The following ASIC2 variants were observed in gnomAD, a reference collection of about 807,000 sequenced individuals.
ASIC2 encodes acid-sensing ion channel 2.
ASIC2 carries 25 observed loss-of-function variants against 57.3 expected under a neutral mutation model. The ratio of observed to expected loss-of-function variants is 0.44; its 90% CI spans 0.32 to 0.61. The LOEUF is 0.61. Ranked by LOEUF, ASIC2 falls within the 20% of genes least tolerant of loss-of-function variation. The pLI is 0.06. For synonymous variants in ASIC2, 319 were observed against 307.5 expected (o/e 1.04, Z -0.39); for missense variants, 641 against 738.1 (o/e 0.87, Z 1.52).
At chr17:34,031,117 G>A (rs2142036959) in intron 1 of ASIC2, among the ~76,000 whole-genome samples, 1 of 152,320 alleles carries the variant, frequency 6.6e-6, no homozygotes, top group Admixed American at 6.5e-5. Flanking sequence ...CCCCCCAGTA[G>A]GGGCAGACTG....
At chr17:33,690,362 C>G (rs577158391) in intron 1 of ASIC2, among the ~76,000 whole-genome samples, 1 of 152,184 alleles carries the variant, frequency 6.6e-6, no homozygotes, top group Non-Finnish European at 1.5e-5. Flanking sequence ...TTTTCACTGA[C>G]ATTTCTCAGC....
At chr17:33,479,591 C>G (rs1913337371) in intron 1 of ASIC2, among the ~76,000 whole-genome samples, 1 of 152,196 alleles carries the variant, frequency 6.6e-6, no homozygotes, top group Non-Finnish European at 1.5e-5. Context: ...TGTTTCTTCA[C>G]CAGTGGGCCT....
At chr17:33,405,342 G>T (rs1910430684) in intron 1 of ASIC2, among the ~76,000 whole-genome samples, 1 of 152,128 alleles carries the variant, frequency 6.6e-6, no homozygotes, top group Non-Finnish European at 1.5e-5. Context: ...TTCCAAAGTA[G>T]TGTATTAACT....
intron 1 of ASIC2, among the ~76,000 whole-genome samples, chr17:33,878,757 T>C (rs1329317418): frequency 6.6e-6 from 1 of 152,092 alleles, no homozygotes; most frequent in Non-Finnish European, 1.5e-5. Context: ...ATACAGAGAA[T>C]GCCACAAAGA....
chr17:33,945,115 G>A (rs1288175237), intron 1 of ASIC2, among the ~76,000 whole-genome samples: 1 of 152,226 alleles, frequency 6.6e-6, no homozygotes, highest in Non-Finnish European at 1.5e-5. Context: ...GCCAGGGGCA[G>A]CAGCTTGGCT....
rs1459427979 is a variant in ASIC2, at chr17:33,291,766, T to C, written c.350A>G (p.His117Arg). ...RLLYWLSFPS[H>R]TRVHREWSRQ... ...GCTCCACTCGCGGTGCACCCGCGTG[T>C]GTGACGGGAAGCTGAGCCAGTAGAG... is the stretch of plus-strand genomic sequence containing the variant. Residue 117 changes from histidine (H) to arginine (R), a missense_variant, in exon 1 of 10, where the codon CAC becomes CGC. His to Arg is a conservative substitution (Grantham distance 29). Transcript: ENST00000225823. 1.2e-6 allele frequency: 2 copies of C among 1,613,532 alleles called. No homozygotes were observed. Among genetic ancestry groups the C allele is most frequent in the Non-Finnish European group, 1.7e-6 (2 of 1,179,872 alleles).
At chr17:33,689,815 A>G (rs546946474) in intron 1 of ASIC2, among the ~76,000 whole-genome samples, 2 of 152,370 alleles carry the variant, frequency 1.3e-5, no homozygotes, top group African/African-American at 4.8e-5. Flanking sequence ...CACACAGAGC[A>G]GAAGGCCATG....
chr17:34,029,390 AAAAAT>A (rs1907503255), intron 1 of ASIC2, among the ~76,000 whole-genome samples: 1 of 151,980 alleles, frequency 6.6e-6, no homozygotes, highest in African/African-American at 2.4e-5. Context: ...AAAAAAAAAA[AAAAAT>A]AGTAAAATTT....
At chr17:33,576,867 T>C (rs1916640001) in intron 1 of ASIC2, among the ~76,000 whole-genome samples, 1 of 152,230 alleles carries the variant, frequency 6.6e-6, no homozygotes, top group African/African-American at 2.4e-5. Flanking sequence ...AGAACATCTC[T>C]GGGCTTCACT....
chr17:33,327,325 G>A (rs1307246515), intron 1 of ASIC2, among the ~76,000 whole-genome samples: 1 of 152,188 alleles, frequency 6.6e-6, no homozygotes, highest in Non-Finnish European at 1.5e-5. Flanking sequence ...GCTTAGTACA[G>A]TTTCCAAGGC....
chr17:33,469,228 G>C (rs950063565), intron 1 of ASIC2, among the ~76,000 whole-genome samples: 1 of 152,194 alleles, frequency 6.6e-6, no homozygotes, highest in African/African-American at 2.4e-5. Flanking sequence ...GAGCAGCGTC[G>C]AGACCCATGG....
At chr17:33,541,754 C>T (rs1394399719) in intron 1 of ASIC2, among the ~76,000 whole-genome samples, 1 of 152,184 alleles carries the variant, frequency 6.6e-6, no homozygotes, top group Admixed American at 6.5e-5. Flanking sequence ...CCTTCCCAAG[C>T]AGCCACTTCT....
intron 1 of ASIC2, among the ~76,000 whole-genome samples, chr17:33,864,348 A>T (rs1408095059): frequency 6.6e-5 from 10 of 152,198 alleles, no homozygotes; most frequent in African/African-American, 2.2e-4. Context: ...AAGCATGCAG[A>T]TATAGAACAA....
chr17:33,119,356 T>A (rs1249354294), intron 1 of ASIC2, among the ~76,000 whole-genome samples: 1 of 152,246 alleles, frequency 6.6e-6, no homozygotes. Flanking sequence ...CATTAGACTG[T>A]TTTCAAAATA....
chr17:33,766,902 G>T (rs1274904493), intron 1 of ASIC2, among the ~76,000 whole-genome samples: 1 of 152,152 alleles, frequency 6.6e-6, no homozygotes, highest in Non-Finnish European at 1.5e-5. Flanking sequence ...TTTTGATGGC[G>T]ATAAACTCTA....
At chr17:34,138,775 CCA>C (rs1912192169) in intron 1 of ASIC2, among the ~76,000 whole-genome samples, 1 of 152,144 alleles carries the variant, frequency 6.6e-6, no homozygotes, top group Non-Finnish European at 1.5e-5. Context: ...CTCCTTTCAC[CCA>C]CAGTCATTCT....
At chr17:33,856,476 G>A (rs372897717) in intron 1 of ASIC2, among the ~76,000 whole-genome samples, 32 of 71,658 alleles carry the variant, frequency 4.5e-4, no homozygotes, top group East Asian at 9.1e-4. Context: ...TAGTAGTGGT[G>A]GTGGTGGCAG....
chr17:33,713,803 A>G (rs1909128277), intron 1 of ASIC2, among the ~76,000 whole-genome samples: 1 of 152,228 alleles, frequency 6.6e-6, no homozygotes, highest in Admixed American at 6.5e-5. Flanking sequence ...TAGTTAATGC[A>G]TTTGTCTCCT....
At chr17:33,276,905 T>C (rs560359482) in intron 1 of ASIC2, among the ~76,000 whole-genome samples, 2 of 152,244 alleles carry the variant, frequency 1.3e-5, no homozygotes, top group Non-Finnish European at 2.9e-5. Context: ...TGCACTCAGG[T>C]CTGTCTGGGG....
Sources: gnomAD v4.1 joint callset for allele counts (sites outside exome capture counted in the v4.1 genomes callset) on GRCh38, gnomAD v4.1.1 for gene constraint, MANE v1.5 for transcripts, NCBI Gene and HGNC (gene_info 2026-07-23, HGNC 2026-07-21) for gene names.